Variants in GFI1B observed in about 807,000 individuals in gnomAD.
GFI1B encodes the protein zinc finger protein Gfi-1b.
In GFI1B, 20 loss-of-function variants were observed where a neutral mutation model predicts 35.3. The observed-to-expected ratio is 0.57, with a 90% confidence interval of 0.40 to 0.82. GFI1B has a LOEUF of 0.82. Among genes scored for constraint, GFI1B ranks in the 40% least tolerant of loss-of-function variants. GFI1B has a pLI of 0.00. For synonymous variants in GFI1B, 178 were observed against 177.6 expected, an observed-to-expected ratio of 1.00 and a Z score of -0.02; for missense variants, 430 against 446.3, an observed-to-expected ratio of 0.96 and a Z score of 0.33.
In GFI1B at chr9:132,990,001, C is replaced by T. The variant is rs547130331; in HGVS notation, c.814+94C>T. 4.7e-5 allele frequency: 54 copies of T among 1,154,506 alleles called. No individual in the cohort carries two copies. In the African/African-American group the frequency reaches 5.7e-4, roughly 12 times the overall value. The allele number at this position is 1,154,506 out of a possible 1,614,324, so 71.5% of individuals were successfully genotyped here. ...GAGGCCCCCAGCGTGAGGCTGGGGGCGGGGTCTAGTTACAAAGTCAAAGGC... is the reference window on the plus strand; with the variant it reads ...GAGGCCCCCAGCGTGAGGCTGGGGGTGGGGTCTAGTTACAAAGTCAAAGGC... On this transcript the variant is annotated intron_variant, in intron 6 of 6. Transcript: ENST00000372122.
intron 1 of GFI1B, among the ~76,000 whole-genome samples, chr9:132,985,062 C>T (rs1017597387): frequency 6.6e-6 from 1 of 151,558 alleles, no homozygotes; most frequent in African/African-American, 2.4e-5. Flanking sequence ...TGGCGGCTGG[C>T]CCAAGGGGTG....
rs1264388246 is a variant in GFI1B at position 132,989,728 on chromosome 9, A to G, written c.649-14A>G. On this transcript the variant is annotated splice_polypyrimidine_tract_variant and intron_variant, in intron 5 of 6. Coordinates refer to ENST00000372122, the MANE Select transcript of GFI1B (RefSeq NM_001377304.1). This position sits in a 1 kb window ranked among gnomAD's most constrained non-coding sequence, Gnocchi z 6.2. ...CCTGCACCTGACCCCCCGGGGCCTCATTTCCTCCGGCAGGAGCGCAGCTTC... is the reference window on the plus strand; with the variant it reads ...CCTGCACCTGACCCCCCGGGGCCTCGTTTCCTCCGGCAGGAGCGCAGCTTC... The G allele has an allele frequency of 6.2e-7, 1 of 1,612,834 alleles. No individual in the cohort carries two copies. The highest frequency in any genetic ancestry group is 1.3e-5 in the African/African-American group (1 of 74,890).
chr9:132,987,545 G>T, intron 3 of GFI1B, 126 bp downstream of exon 3: 1 of 1,090,012 alleles, frequency 9.2e-7, no homozygotes, highest in Non-Finnish European at 1.4e-6. Flanking sequence ...ACTGGATGCA[G>T]CCCGGGCTCT....
intron 1 of GFI1B, among the ~76,000 whole-genome samples, chr9:132,980,890 C>T (rs997857851): frequency 1.4e-5 from 2 of 142,224 alleles, no homozygotes; most frequent in Non-Finnish European, 3.0e-5. Context: ...TATGTCTAGA[C>T]CACATTTTGT....
At chr9:132,983,136 C>A (rs1848889432) in intron 1 of GFI1B, among the ~76,000 whole-genome samples, 1 of 145,548 alleles carries the variant, frequency 6.9e-6, no homozygotes, top group African/African-American at 2.6e-5. Flanking sequence ...CCATGTGGGT[C>A]TTTTAGGAGC....
chr9:132,948,288 G>A (rs772850694), intron 1 of GFI1B, among the ~76,000 whole-genome samples: 9 of 152,178 alleles, frequency 5.9e-5, no homozygotes, highest in African/African-American at 1.7e-4. Flanking sequence ...CTACAGCAAG[G>A]TGTGTGACAA....
At chr9:132,965,474 C>T (rs908588012) in intron 1 of GFI1B, among the ~76,000 whole-genome samples, 3 of 152,210 alleles carry the variant, frequency 2.0e-5, no homozygotes, top group Non-Finnish European at 2.9e-5. Flanking sequence ...ACACTCAGTA[C>T]CTGTGAATGT....
At chr9:132,976,595 T>A (rs908779924), upstream of GFI1B, 1 of 152,166 alleles carries the variant, frequency 6.6e-6, no homozygotes, top group Non-Finnish European at 1.5e-5. Flanking sequence ...CCACTATAAA[T>A]GTAAGTGTGC....
chr9:132,968,709 A>G (rs1039671698), intron 1 of GFI1B, among the ~76,000 whole-genome samples: 9 of 152,178 alleles, frequency 5.9e-5, no homozygotes, highest in Admixed American at 4.6e-4. Flanking sequence ...TCTAGATCTT[A>G]CTTCACCCCG....
At chr9:132,983,417 G>A (rs1241681166) in intron 1 of GFI1B, among the ~76,000 whole-genome samples, 6 of 151,914 alleles carry the variant, frequency 3.9e-5, no homozygotes, top group African/African-American at 1.2e-4. Flanking sequence ...GGCTGGTCTC[G>A]AACTCCTGAT....
In GFI1B at chr9:132,989,218, C is replaced by T. The variant is rs748371823; in HGVS notation, c.648+20C>T. ...TCCCAGGTGGGCACCTGGCCCAGCGCAGGACTCCCAGCCCCACTCCTTCTC... is the reference window on the plus strand; with the variant it reads ...TCCCAGGTGGGCACCTGGCCCAGCGTAGGACTCCCAGCCCCACTCCTTCTC... On this transcript the variant is annotated intron_variant, in intron 5 of 6. Coordinates refer to ENST00000372122, the MANE Select transcript of GFI1B (RefSeq NM_001377304.1). The surrounding 1 kb of genome is among the most constrained non-coding windows in gnomAD (Gnocchi z 6.2). 3.7e-6 allele frequency: 6 copies of T among 1,605,720 alleles called. No individual in the cohort carries two copies. In the South Asian group the frequency reaches 5.5e-5, roughly 15 times the overall value.
downstream of GFI1B, among the ~76,000 whole-genome samples, chr9:132,992,695 C>G (rs762878866): frequency 7.9e-5 from 12 of 152,164 alleles, no homozygotes; most frequent in Non-Finnish European, 1.6e-4. Flanking sequence ...GGTCTTCTCT[C>G]TCCTCTGATA....
chr9:132,964,249 T>C (rs1457371754), intron 1 of GFI1B, among the ~76,000 whole-genome samples: 6 of 152,058 alleles, frequency 3.9e-5, no homozygotes, highest in Admixed American at 3.9e-4. Flanking sequence ...TCTAAATAAA[T>C]AAATTAATTA....
At chr9:132,951,160 T>C (rs1848195653) in intron 1 of GFI1B, 1 of 152,158 alleles carries the variant, frequency 6.6e-6, no homozygotes, top group African/African-American at 2.4e-5. Context: ...GTTTCATATT[T>C]ATATTGTTAC....
At chr9:132,969,968 C>T (rs922880770) in intron 1 of GFI1B, among the ~76,000 whole-genome samples, 2 of 152,144 alleles carry the variant, frequency 1.3e-5, no homozygotes, top group Non-Finnish European at 1.5e-5. Context: ...ATGTAAATCG[C>T]GTGCAAATCC....
At chr9:132,980,422 C>A (rs1257310537) in intron 1 of GFI1B, among the ~76,000 whole-genome samples, 1 of 152,186 alleles carries the variant, frequency 6.6e-6, no homozygotes, top group Non-Finnish European at 1.5e-5. Flanking sequence ...GTGTTCCTTG[C>A]CAGGAATTCA....
At chr9:132,961,394 T>C (rs1408015159) in intron 1 of GFI1B, among the ~76,000 whole-genome samples, 4 of 149,168 alleles carry the variant, frequency 2.7e-5, no homozygotes, top group Non-Finnish European at 4.4e-5. Flanking sequence ...TATATCACAG[T>C]CTTAATTGTG....
Position 132,962,597 on chromosome 9 carries a change from T to A in GFI1B, c.-700-10128T>A, listed in dbSNP as rs1186695903. The A allele has an allele frequency of 7.9e-6, 4 of 508,166 alleles. No homozygotes were observed. In the East Asian group the frequency reaches 2.2e-4, roughly 28 times the overall value. 31.5% of individuals were successfully genotyped at this position (508,166 alleles called of 1,614,324 possible). ...CATCCCATTTCCCAGTGGAATCAGATGAAAACTGGTAATCAAATTAGGTAC... is the reference window on the plus strand; with the variant it reads ...CATCCCATTTCCCAGTGGAATCAGAAGAAAACTGGTAATCAAATTAGGTAC... On this transcript the variant is annotated intron_variant, in intron 1 of 10. Transcript: ENST00000339463.
chr9:132,960,744 C>T (rs1206713982), intron 1 of GFI1B, among the ~76,000 whole-genome samples: 1 of 151,852 alleles, frequency 6.6e-6, no homozygotes, highest in Non-Finnish European at 1.5e-5. Context: ...TCAAGAGATC[C>T]TCCCACCTCA....
Sources: allele counts gnomAD v4.1 joint callset (sites outside exome capture counted in the v4.1 genomes callset), GRCh38; gene constraint gnomAD v4.1.1; non-coding constraint Gnocchi (gnomAD v3.1); transcripts MANE v1.5; gene names NCBI Gene and HGNC (gene_info 2026-07-23, HGNC 2026-07-21).